The following SLC12A6 variants were observed in gnomAD, a reference collection of about 807,000 sequenced individuals.
SLC12A6 encodes solute carrier family 12 member 6, also known as K-Cl cotransporter 3.
SLC12A6 carries 66 observed loss-of-function variants against 135.3 expected under a neutral mutation model. That is an observed-to-expected ratio of 0.49 (90% CI 0.40 to 0.60). The LOEUF is 0.60. Among genes scored for constraint, SLC12A6 ranks in the 20% least tolerant of loss-of-function variants. The pLI is 0.00. For missense variants in SLC12A6, 1,058 were observed against 1,452.3 expected, an observed-to-expected ratio of 0.73 and a Z score of 4.41; for synonymous variants, 513 against 508.8, an observed-to-expected ratio of 1.01 and a Z score of -0.11.
chr15:34,297,992 CTAG>C (rs911835732), intron 2 of SLC12A6, among the ~76,000 whole-genome samples: 1 of 152,130 alleles, frequency 6.6e-6, no homozygotes, highest in Non-Finnish European at 1.5e-5. Flanking sequence ...GGCTAACTGT[CTAG>C]GACAGCAGTA....
At position 34,260,915 on chromosome 15, in the gene SLC12A6, CA is replaced by C. The variant is rs377536268; in HGVS notation, c.411+10del. On this transcript the variant is annotated intron_variant, in intron 4 of 25. Transcript: ENST00000354181. ...TAAAGTCTCAGTCCATAGTTTTCTC[CA>C]AAATATTACCTCAAAGAGTGCCAAA... is the stretch of plus-strand genomic sequence containing the variant. 2.3e-4 allele frequency: 264 copies of C among 1,146,646 alleles called. No homozygotes were observed. The East Asian group carries it at 6.0e-3, about 26-fold the overall frequency. The allele number at this position is 1,146,646 out of a possible 1,614,324, so 71.0% of individuals were successfully genotyped here.
chr15:34,298,695 G>T (rs184537580), intron 2 of SLC12A6, among the ~76,000 whole-genome samples: 22 of 152,202 alleles, frequency 1.4e-4, no homozygotes, highest in Non-Finnish European at 2.8e-4. Flanking sequence ...CACAGAGAAA[G>T]TGGGTACACA....
chr15:34,253,828 A>G (rs1892556126), intron 9 of SLC12A6, among the ~76,000 whole-genome samples: 1 of 152,196 alleles, frequency 6.6e-6, no homozygotes, highest in African/African-American at 2.4e-5. Context: ...CAAAAAACAT[A>G]CTTTAAAGTA....
chr15:34,255,554 G>A, intron 7 of SLC12A6, 162 bp from the exon 8 acceptor site: 1 of 511,956 alleles, frequency 2.0e-6, no homozygotes, highest in Non-Finnish European at 3.4e-6. Flanking sequence ...GAAGTAAAAG[G>A]TGAAAGTGTT....
chr15:34,238,165 T>A (rs907632986), intron 21 of SLC12A6, 67 bp downstream of exon 21: 22 of 1,117,572 alleles, frequency 2.0e-5, no homozygotes, highest in Non-Finnish European at 2.6e-5. Context: ...GAGGAAGAAT[T>A]TGTCTGTCCT....
In SLC12A6 at chr15:34,251,002, G is replaced by A. The variant is rs769215658; in HGVS notation, c.1389C>T (p.Ala463=). ...AGCTGCCTAAGACATCAGAAGATTTGGCTGAAGGCTTTTCGATGATCTCTC... is the reference window on the plus strand; with the variant it reads ...AGCTGCCTAAGACATCAGAAGATTTAGCTGAAGGCTTTTCGATGATCTCTC... ...PKGEIIEKPS[A]KSSDVLGSLN... is the part of the protein sequence containing the mutation. Residue 463 remains alanine (A), a synonymous_variant, in exon 11 of 26, where the codon GCC becomes GCT. Coordinates refer to ENST00000354181, the MANE Select transcript of SLC12A6 (RefSeq NM_001365088.1). 10 of 1,610,824 alleles carry A rather than the reference G, an allele frequency of 6.2e-6. No individual in the cohort carries two copies. Among genetic ancestry groups the A allele is most frequent in the Non-Finnish European group, 7.6e-6 (9 of 1,177,096 alleles).
chr15:34,319,013 C>G (rs903904671), intron 2 of SLC12A6, among the ~76,000 whole-genome samples: 1 of 152,178 alleles, frequency 6.6e-6, no homozygotes, highest in Non-Finnish European at 1.5e-5. Flanking sequence ...TCACAGTGAA[C>G]TACTGTCTAC....
chr15:34,246,143 G>C (rs1891973788), intron 13 of SLC12A6, among the ~76,000 whole-genome samples: 1 of 152,128 alleles, frequency 6.6e-6, no homozygotes, highest in Non-Finnish European at 1.5e-5. Flanking sequence ...ATGTTGCCCA[G>C]GCTGGTCTCG....
intron 3 of SLC12A6, among the ~76,000 whole-genome samples, chr15:34,264,093 C>A (rs1004007729): frequency 1.3e-5 from 2 of 152,024 alleles, no homozygotes; most frequent in African/African-American, 4.8e-5. Flanking sequence ...AAGAAAATTT[C>A]TTCCTTATAG....
At position 34,251,066 on chromosome 15, in the gene SLC12A6, G is replaced by A. The variant is rs753924019; in HGVS notation, c.1334-9C>T. The A allele has an allele frequency of 1.5e-5, 23 of 1,585,374 alleles. No individual in the cohort carries two copies. The highest frequency in any genetic ancestry group is 2.0e-5 in the Non-Finnish European group (23 of 1,155,736). On this transcript the variant is annotated splice_polypyrimidine_tract_variant and intron_variant, in intron 10 of 25. Transcript: ENST00000354181. ...ATTACTCCAAAGATTCTCTGCAGTG[G>A]GAAAAATGGGAATTTAAGCAGCAGC...
chr15:34,275,385 C>T lies in SLC12A6; in HGVS notation c.276G>A (p.Leu92=). 6.6e-7 allele frequency: 1 copy of T among 1,515,644 alleles called. No homozygotes were observed. Among genetic ancestry groups the T allele is most frequent in the African/African-American group, 1.4e-5 (1 of 72,978 alleles). The allele number at this position is 1,515,644 out of a possible 1,614,324, so 93.9% of individuals were successfully genotyped here. A position where few individuals can be genotyped will look rare whatever the true frequency, so the allele number is the denominator to read the frequency against. ...TSHPQDVIED[L]SQNSITGEHS... ...GTTCCCCTGTGATGGAGTTCTGACT[C>T]AGGTCTGAAAAACAAACAATTGAAA... The change falls in exon 3 of 26, where the codon CTG becomes CTA. Residue 92 remains leucine, a synonymous_variant. Transcript: ENST00000354181.
At chr15:34,292,221 G>A (rs958726165) in intron 2 of SLC12A6, among the ~76,000 whole-genome samples, 5 of 152,164 alleles carry the variant, frequency 3.3e-5, no homozygotes, top group Non-Finnish European at 5.9e-5. Context: ...CTGTTTGCTA[G>A]TTTTCCTTCT....
chr15:34,284,277 C>CTT (rs71415558), intron 2 of SLC12A6, among the ~76,000 whole-genome samples: 1,829 of 92,328 alleles, frequency 0.02, 90 homozygotes, highest in African/African-American at 0.043. Context: ...TGTTTCTTTT[C>CTT]TTTTTTTTTT....
intron 2 of SLC12A6, among the ~76,000 whole-genome samples, chr15:34,326,243 G>A (rs1889448290): frequency 6.6e-6 from 1 of 152,160 alleles, no homozygotes; most frequent in South Asian, 2.1e-4. Context: ...AACCAAAGAG[G>A]GTAGCACTGG....
intron 2 of SLC12A6, among the ~76,000 whole-genome samples, chr15:34,282,552 A>C (rs1404465360): frequency 6.6e-6 from 1 of 152,082 alleles, no homozygotes; most frequent in African/African-American, 2.4e-5. Flanking sequence ...CAGGAGCTTG[A>C]GGCCAGCCTG....
chr15:34,277,645 G>A (rs965663803), intron 2 of SLC12A6, among the ~76,000 whole-genome samples: 1 of 152,040 alleles, frequency 6.6e-6, no homozygotes, highest in Non-Finnish European at 1.5e-5. Context: ...GAAGAACCTT[G>A]GTCATCATCT....
rs111226836 is a variant in SLC12A6 at position 34,303,645 on chromosome 15, T to C, written c.272-28256A>G. On this transcript the variant is annotated intron_variant, in intron 2 of 25. Transcript: ENST00000354181. Reference sequence around the variant, plus strand: ...CATCACTGGGAGGTGGGGGACTAATTAGAGGTAATTAGGCCATTAGGTAAT... The same window carrying C: ...CATCACTGGGAGGTGGGGGACTAATCAGAGGTAATTAGGCCATTAGGTAAT... Among the ~76,000 whole-genome samples, 349 of 152,308 alleles carry C rather than the reference T, an allele frequency of 2.3e-3. 3 individuals carry two copies. Among genetic ancestry groups the C allele is most frequent in the African/African-American group, 7.9e-3 (330 of 41,568 alleles).
At chr15:34,304,488 A>G (rs28446299) in intron 2 of SLC12A6, among the ~76,000 whole-genome samples, 9,787 of 152,230 alleles carry the variant, frequency 0.064, 439 homozygotes, top group Non-Finnish European at 0.093. Context: ...TAGTTGTACT[A>G]TTTTACATTG....
At chr15:34,255,629 C>T (rs1358381010) in intron 7 of SLC12A6, among the ~76,000 whole-genome samples, 2 of 152,056 alleles carry the variant, frequency 1.3e-5, no homozygotes, top group African/African-American at 4.8e-5. Flanking sequence ...CCAGCATTTA[C>T]TTAGAAAAAA....
Sources: gnomAD v4.1 joint callset for allele counts (sites outside exome capture counted in the v4.1 genomes callset) on GRCh38, gnomAD v4.1.1 for gene constraint, MANE v1.5 for transcripts, NCBI Gene and HGNC (gene_info 2026-07-23, HGNC 2026-07-21) for gene names.